FSTL5: variants seen among roughly 807,000 people sequenced by gnomAD.
FSTL5 encodes the protein follistatin-related protein 5.
A neutral mutation model predicts 89.1 loss-of-function variants in FSTL5; 62 were observed. That is an observed-to-expected ratio of 0.70 (90% CI 0.57 to 0.86). FSTL5 has a LOEUF of 0.86. Among genes scored for constraint, FSTL5 ranks in the 40% least tolerant of loss-of-function variants. The pLI, the probability that FSTL5 is intolerant of heterozygous loss-of-function variation, is 0.00. For missense variants in FSTL5, 1,057 were observed against 1,001.6 expected, an observed-to-expected ratio of 1.06 and a Z score of -0.75; for synonymous variants, 383 against 346.2, an observed-to-expected ratio of 1.11 and a Z score of -1.18.
chr4:162,085,185 A>G (rs1730260828), intron 2 of FSTL5, among the ~76,000 whole-genome samples: 1 of 152,054 alleles, frequency 6.6e-6, no homozygotes, highest in Non-Finnish European at 1.5e-5. Flanking sequence ...TGAATATTCT[A>G]TTTACTAAAA....
chr4:162,031,535 A>G (rs1737520955), intron 3 of FSTL5, among the ~76,000 whole-genome samples: 1 of 152,216 alleles, frequency 6.6e-6, no homozygotes, highest in Non-Finnish European at 1.5e-5. Context: ...CTAGTAAAAT[A>G]ACATTTCAAT....
rs149506171 is a variant in FSTL5 at position 161,964,975 on chromosome 4, T to C, written c.161-44323A>G. 2.6e-3 allele frequency among the ~76,000 whole-genome samples: 399 copies of C among 152,196 alleles called. 2 individuals are homozygous for C. Among genetic ancestry groups the C allele is most frequent in the African/African-American group, 9.0e-3 (376 of 41,556 alleles). ...TACTTTACTTTATTCTAGAGCAAGA[T>C]AATGCTTACCTAATTATCAAGAAAG... On this transcript the variant is annotated intron_variant, in intron 3 of 15. Coordinates refer to ENST00000306100, the MANE Select transcript of FSTL5 (RefSeq NM_020116.5).
chr4:161,468,907 A>G (rs559577881), intron 13 of FSTL5, among the ~76,000 whole-genome samples: 12 of 151,444 alleles, frequency 7.9e-5, no homozygotes, highest in Admixed American at 2.0e-4. Flanking sequence ...TATTTTTTTC[A>G]TTTTTTAAAA....
At chr4:161,719,024 G>T (rs918477437) in intron 6 of FSTL5, among the ~76,000 whole-genome samples, 1 of 152,102 alleles carries the variant, frequency 6.6e-6, no homozygotes, top group African/African-American at 2.4e-5. Flanking sequence ...TAACAGTTGG[G>T]ATATATTGAT....
intron 6 of FSTL5, among the ~76,000 whole-genome samples, chr4:161,699,672 A>T (rs1178777332): frequency 6.6e-6 from 1 of 152,256 alleles, no homozygotes; most frequent in African/African-American, 2.4e-5. Context: ...CATAAAATAC[A>T]AATTTTTAAA....
At chr4:161,391,214 G>A (rs12374359) in intron 15 of FSTL5, among the ~76,000 whole-genome samples, 12,653 of 152,202 alleles carry the variant, frequency 0.083, 674 homozygotes, top group Non-Finnish European at 0.13. Context: ...AATTTGAACA[G>A]CCATAGGAAT....
chr4:161,985,619 T>G (rs1157020746), intron 3 of FSTL5, among the ~76,000 whole-genome samples: 1 of 151,892 alleles, frequency 6.6e-6, no homozygotes, highest in Non-Finnish European at 1.5e-5. Context: ...ATCCATGCAC[T>G]TATATGAATA....
intron 7 of FSTL5, among the ~76,000 whole-genome samples, chr4:161,610,885 T>A (rs1023109241): frequency 6.6e-6 from 1 of 151,962 alleles, no homozygotes; most frequent in African/African-American, 2.4e-5. Flanking sequence ...AAAAATCAAC[T>A]ATGCTAGATC....
At chr4:161,612,937 G>A (rs1318539268) in intron 7 of FSTL5, among the ~76,000 whole-genome samples, 1 of 105,016 alleles carries the variant, frequency 9.5e-6, no homozygotes, top group Non-Finnish European at 1.8e-5. Context: ...GTATATTAGT[G>A]CTCTTTTTTT....
chr4:162,005,457 G>A (rs1331208260), intron 3 of FSTL5, among the ~76,000 whole-genome samples: 1 of 152,064 alleles, frequency 6.6e-6, no homozygotes, highest in Non-Finnish European at 1.5e-5. Flanking sequence ...TTGAATAGAT[G>A]GTGGTAAAGA....
chr4:161,608,397 G>T (rs1225897493), intron 7 of FSTL5, among the ~76,000 whole-genome samples: 2 of 152,052 alleles, frequency 1.3e-5, no homozygotes, highest in African/African-American at 4.8e-5. Context: ...AATTTAAGAT[G>T]TTCTGGAGTT....
intron 4 of FSTL5, among the ~76,000 whole-genome samples, chr4:161,803,846 A>G (rs145270615): frequency 1.1e-3 from 171 of 152,170 alleles, no homozygotes; most frequent in Middle Eastern, 3.4e-3. Flanking sequence ...CTGTGTCACA[A>G]ACAGGGCCAC....
intron 2 of FSTL5, among the ~76,000 whole-genome samples, chr4:162,103,907 A>G (rs1731102591): frequency 6.6e-6 from 1 of 152,200 alleles, no homozygotes; most frequent in Admixed American, 6.5e-5. Flanking sequence ...ACAGCGGGAG[A>G]GACAAGGATC....
intron 6 of FSTL5, among the ~76,000 whole-genome samples, chr4:161,678,426 C>A (rs1737396539): frequency 6.6e-6 from 1 of 151,814 alleles, no homozygotes; most frequent in Admixed American, 6.6e-5. Flanking sequence ...GGCCTACATT[C>A]TTTCAAGTTT....
chr4:161,752,922 T>C (rs942072004), intron 6 of FSTL5, among the ~76,000 whole-genome samples: 6 of 152,192 alleles, frequency 3.9e-5, no homozygotes, highest in African/African-American at 1.4e-4. Context: ...CATTAGTTTA[T>C]AAGCCAGGAA....
intron 6 of FSTL5, among the ~76,000 whole-genome samples, chr4:161,672,717 A>C (rs1054433929): frequency 4.9e-4 from 73 of 147,844 alleles, no homozygotes; most frequent in Admixed American, 1.0e-3. Flanking sequence ...AAAAAAAAAA[A>C]ACCCAAAAAT....
chr4:161,609,574 T>G (rs1734570062), intron 7 of FSTL5, among the ~76,000 whole-genome samples: 1 of 152,166 alleles, frequency 6.6e-6, no homozygotes, highest in South Asian at 2.1e-4. Context: ...CTGTTAATTT[T>G]CCAGATTAAA....
At chr4:161,752,564 G>T (rs2126783255) in intron 6 of FSTL5, among the ~76,000 whole-genome samples, 1 of 152,164 alleles carries the variant, frequency 6.6e-6, no homozygotes, top group East Asian at 1.9e-4. Context: ...GTTCCTTTCT[G>T]CCAAATCTAG....
intron 1 of FSTL5, among the ~76,000 whole-genome samples, chr4:162,130,004 T>C (rs963671036): frequency 2.0e-5 from 3 of 152,120 alleles, no homozygotes; most frequent in South Asian, 2.1e-4. Flanking sequence ...TATAAAGCAA[T>C]AGAATTCTAA....
Sources: allele counts gnomAD v4.1 joint callset (sites outside exome capture counted in the v4.1 genomes callset), GRCh38; gene constraint gnomAD v4.1.1; transcripts MANE v1.5; gene names NCBI Gene and HGNC (gene_info 2026-07-23, HGNC 2026-07-21).